Variants in GMDS observed in about 807,000 individuals in gnomAD.
GMDS encodes GDP-mannose 4,6-dehydratase, also known as GDP-mannose 4,6 dehydratase.
GMDS carries 20 observed loss-of-function variants against 49.9 expected under a neutral mutation model. The observed-to-expected ratio is 0.40, with a 90% CI of 0.28 to 0.58. The LOEUF (loss-of-function observed/expected upper bound fraction) is 0.58, where lower values mean the gene tolerates loss of function less well. Among genes scored for constraint, GMDS ranks in the 20% least tolerant of loss-of-function variants. GMDS has a pLI of 0.42. For synonymous variants in GMDS, 177 were observed against 178.6 expected (o/e 0.99, Z 0.07); for missense variants, 362 against 481.4 (o/e 0.75, Z 2.32).
At chr6:1,781,329 G>T (rs1348668820) in intron 7 of GMDS, among the ~76,000 whole-genome samples, 1 of 152,190 alleles carries the variant, frequency 6.6e-6, no homozygotes, top group South Asian at 2.1e-4. Context: ...GCTGCTGGTG[G>T]TCCTTGCCCA....
intron 8 of GMDS, among the ~76,000 whole-genome samples, chr6:1,733,309 T>C (rs1050238652): frequency 3.9e-5 from 6 of 152,154 alleles, no homozygotes; most frequent in African/African-American, 1.4e-4. Flanking sequence ...GATGGGCAGA[T>C]GTCAGGAGGA....
intron 6 of GMDS, among the ~76,000 whole-genome samples, chr6:1,945,003 G>A (rs956538713): frequency 3.3e-5 from 5 of 152,140 alleles, no homozygotes; most frequent in African/African-American, 1.2e-4. Context: ...TGCCTCCTCT[G>A]TAATAACTAT....
intron 6 of GMDS, among the ~76,000 whole-genome samples, chr6:1,933,571 G>C (rs893554561): frequency 6.6e-6 from 1 of 152,174 alleles, no homozygotes; most frequent in Admixed American, 6.5e-5. Context: ...AGTTGGCACC[G>C]AGTGGTATCT....
chr6:1,964,926 G>GT (rs1241535766), intron 4 of GMDS, among the ~76,000 whole-genome samples: 14 of 152,062 alleles, frequency 9.2e-5, no homozygotes, highest in African/African-American at 3.4e-4. Context: ...GTGGTGTTTG[G>GT]TTTTTTGTCC....
intron 6 of GMDS, among the ~76,000 whole-genome samples, chr6:1,956,636 T>C (rs1763654108): frequency 6.6e-6 from 1 of 152,084 alleles, no homozygotes; most frequent in African/African-American, 2.4e-5. Context: ...AAAGGGTTTG[T>C]TCCCTGTAAT....
intron 7 of GMDS, among the ~76,000 whole-genome samples, chr6:1,806,528 T>C (rs1240737805): frequency 1.3e-5 from 2 of 152,124 alleles, no homozygotes; most frequent in Non-Finnish European, 2.9e-5. Flanking sequence ...GTAGGCTCTT[T>C]TGTAACTGAA....
At position 2,227,989 on chromosome 6, in the gene GMDS, G is replaced by A. The variant is rs538889923; in HGVS notation, c.102+17332C>T. 2.8e-4 allele frequency among the ~76,000 whole-genome samples: 42 copies of A among 152,354 alleles called. No individual in the cohort carries two copies. In the South Asian group the frequency reaches 7.9e-3, roughly 29 times the overall value. On this transcript the variant is annotated intron_variant, in intron 1 of 10. Coordinates refer to ENST00000380815, the MANE Select transcript of GMDS (RefSeq NM_001500.4). ...TTCTCGGCACGTGGCCCAAGCCTGT[G>A]CTGGGTCTACGCAGTGAAGTACAAG...
intron 4 of GMDS, among the ~76,000 whole-genome samples, chr6:1,976,314 T>C (rs1309341560): frequency 6.6e-6 from 1 of 152,186 alleles, no homozygotes; most frequent in Non-Finnish European, 1.5e-5. Context: ...GAGAAGCAAA[T>C]CATACATACA....
chr6:1,801,451 T>C (rs1186796217), intron 7 of GMDS, among the ~76,000 whole-genome samples: 1 of 152,216 alleles, frequency 6.6e-6, no homozygotes, highest in African/African-American at 2.4e-5. Context: ...ACCCTTTGAA[T>C]AGAACCTTAA....
intron 4 of GMDS, among the ~76,000 whole-genome samples, chr6:2,113,711 C>G (rs1774684832): frequency 6.6e-6 from 1 of 152,090 alleles, no homozygotes. Context: ...GAGTCAGACA[C>G]TTGTGCCAAT....
chr6:1,731,803 C>A (rs1261797586), intron 8 of GMDS, among the ~76,000 whole-genome samples: 1 of 152,174 alleles, frequency 6.6e-6, no homozygotes, highest in African/African-American at 2.4e-5. Context: ...TGAAGTGACA[C>A]AGCAGGGTTT....
chr6:1,634,909 C>A (rs537455130), intron 9 of GMDS, among the ~76,000 whole-genome samples: 2 of 151,990 alleles, frequency 1.3e-5, no homozygotes, highest in Non-Finnish European at 1.5e-5. Flanking sequence ...GGGTTGGAGG[C>A]GGTGGTGGGG....
At chr6:1,958,119 T>G (rs1025137781) in intron 6 of GMDS, among the ~76,000 whole-genome samples, 9 of 151,350 alleles carry the variant, frequency 5.9e-5, no homozygotes, top group African/African-American at 1.7e-4. Flanking sequence ...AAATATGTTT[T>G]TTTTTTTTTT....
chr6:2,136,191 CAT>C (rs1356038301), intron 1 of GMDS, among the ~76,000 whole-genome samples: 1 of 152,158 alleles, frequency 6.6e-6, no homozygotes, highest in African/African-American at 2.4e-5. Context: ...TTATGCAGCA[CAT>C]GACTATATTT....
At chr6:2,046,046 CA>C (rs1351171263) in intron 4 of GMDS, among the ~76,000 whole-genome samples, 1 of 151,980 alleles carries the variant, frequency 6.6e-6, no homozygotes, top group Non-Finnish European at 1.5e-5. Context: ...CCTGTCTCTA[CA>C]AAAATGTAAA....
chr6:2,090,838 C>T (rs182542043), intron 4 of GMDS, among the ~76,000 whole-genome samples: 43 of 152,252 alleles, frequency 2.8e-4, no homozygotes, highest in African/African-American at 8.9e-4. Context: ...TTCAAACTAT[C>T]AGCATAACAG....
In GMDS at chr6:2,061,488, G is replaced by A. The variant is rs139755217; in HGVS notation, c.345+54283C>T. Reference sequence around the variant, plus strand: ...TCCCAACACTTTGGGAGGTTGAGGCGGTCGGATCACTTGAGGCCAGGACTT... The same window carrying A: ...TCCCAACACTTTGGGAGGTTGAGGCAGTCGGATCACTTGAGGCCAGGACTT... On this transcript the variant is annotated intron_variant, in intron 4 of 10. Transcript: ENST00000380815. Among the ~76,000 whole-genome samples, 595 of 152,086 alleles carry A rather than the reference G, an allele frequency of 3.9e-3. 10 individuals carry two copies. Among genetic ancestry groups the A allele is most frequent in the Middle Eastern group, 0.024 (7 of 294 alleles).
intron 6 of GMDS, among the ~76,000 whole-genome samples, chr6:1,957,312 A>T (rs1034970407): frequency 6.6e-6 from 1 of 152,210 alleles, no homozygotes; most frequent in Admixed American, 6.5e-5. Flanking sequence ...GAAGCTGGAG[A>T]TGTATGAATA....
At chr6:1,806,822 T>G (rs890421644) in intron 7 of GMDS, among the ~76,000 whole-genome samples, 3 of 152,152 alleles carry the variant, frequency 2.0e-5, no homozygotes, top group Non-Finnish European at 4.4e-5. Context: ...TAATGGTTCT[T>G]CCTCTGAGTT....
Sources: gnomAD v4.1 joint callset for allele counts (sites outside exome capture counted in the v4.1 genomes callset) on GRCh38, gnomAD v4.1.1 for gene constraint, MANE v1.5 for transcripts, NCBI Gene and HGNC (gene_info 2026-07-23, HGNC 2026-07-21) for gene names.